The following FRMD4A variants were observed in gnomAD, a reference collection of about 807,000 sequenced individuals.
The protein encoded by FRMD4A is FERM domain-containing protein 4A.
In FRMD4A, 29 loss-of-function variants were observed where a neutral mutation model predicts 129.1. That is an observed-to-expected ratio of 0.22 (90% CI 0.17 to 0.31). The LOEUF (loss-of-function observed/expected upper bound fraction) is 0.31, where lower values mean the gene tolerates loss of function less well. Among genes scored for constraint, FRMD4A ranks in the 10% least tolerant of loss-of-function variants. The pLI, the probability that FRMD4A is intolerant of heterozygous loss-of-function variation, is 1.00. For synonymous variants in FRMD4A, 634 were observed against 571.6 expected (o/e 1.11, Z -1.56); for missense variants, 1,272 against 1,375.8 (o/e 0.92, Z 1.19).
chr10:13,982,021 C>G (rs1364223273), intron 2 of FRMD4A, among the ~76,000 whole-genome samples: 1 of 152,114 alleles, frequency 6.6e-6, no homozygotes, highest in African/African-American at 2.4e-5. Flanking sequence ...CTGATCCTCC[C>G]GTCTCTGGCC....
At chr10:13,968,541 C>A (rs1310432679) in intron 2 of FRMD4A, among the ~76,000 whole-genome samples, 1 of 152,228 alleles carries the variant, frequency 6.6e-6, no homozygotes, top group Non-Finnish European at 1.5e-5. Context: ...CAACCTCCAC[C>A]TCCTGGGTTC....
chr10:13,833,040 G>T (rs2093815276), intron 3 of FRMD4A, among the ~76,000 whole-genome samples: 1 of 152,198 alleles, frequency 6.6e-6, no homozygotes. Flanking sequence ...TCACACATAT[G>T]TCTCCCTGGA....
chr10:13,862,434 GA>G (rs2094307469), intron 2 of FRMD4A, among the ~76,000 whole-genome samples: 1 of 152,090 alleles, frequency 6.6e-6, no homozygotes, highest in South Asian at 2.1e-4. Flanking sequence ...ATTTTCATCT[GA>G]AAAAAATAAT....
chr10:13,751,823 C>A (rs2091639259), intron 8 of FRMD4A, among the ~76,000 whole-genome samples: 2 of 152,098 alleles, frequency 1.3e-5, no homozygotes, highest in South Asian at 4.2e-4. Flanking sequence ...CCAGCCTGGG[C>A]AACATAGCAA....
chr10:14,283,398 G>C (rs998166098), intron 2 of FRMD4A, among the ~76,000 whole-genome samples: 2 of 152,072 alleles, frequency 1.3e-5, no homozygotes, highest in African/African-American at 4.8e-5. Flanking sequence ...CTACATAACA[G>C]ACCTAATTAT....
At chr10:14,062,841 A>G (rs898719) in intron 2 of FRMD4A, among the ~76,000 whole-genome samples, 148,388 of 152,264 alleles carry the variant, frequency 0.97, 72,414 homozygotes, top group East Asian at 1. Context: ...CAGTGAGATC[A>G]TGCCATTGCA....
At chr10:14,320,552 C>A (rs374918342) in intron 2 of FRMD4A, among the ~76,000 whole-genome samples, 1 of 152,334 alleles carries the variant, frequency 6.6e-6, no homozygotes, top group South Asian at 2.1e-4. Context: ...CGTTCTAGAT[C>A]TCACACACCT....
chr10:14,318,611 G>GC (rs1846844522), intron 2 of FRMD4A, among the ~76,000 whole-genome samples: 1 of 19,078 alleles, frequency 5.2e-5, no homozygotes, highest in Non-Finnish European at 1.1e-4. Context: ...TTGCTAGTAT[G>GC]CAAAAAAAAA....
chr10:13,977,953 C>A (rs1296484227), intron 2 of FRMD4A, among the ~76,000 whole-genome samples: 3 of 152,216 alleles, frequency 2.0e-5, no homozygotes, highest in African/African-American at 7.2e-5. Context: ...CTGCTATAAA[C>A]ACTTGTGTAA....
chr10:13,798,124 G>A (rs1311772023), intron 4 of FRMD4A, among the ~76,000 whole-genome samples: 1 of 152,094 alleles, frequency 6.6e-6, no homozygotes, highest in African/African-American at 2.4e-5. Flanking sequence ...AAAAAATAAT[G>A]AAAGGGTTGG....
At chr10:14,025,763 G>A (rs183654578) in intron 2 of FRMD4A, among the ~76,000 whole-genome samples, 6 of 152,266 alleles carry the variant, frequency 3.9e-5, no homozygotes, top group East Asian at 1.9e-4. Context: ...TAGGGACCTC[G>A]TATAAGTGAG....
intron 6 of FRMD4A, among the ~76,000 whole-genome samples, chr10:13,767,778 CCA>C (rs2092333121): frequency 6.6e-6 from 1 of 152,164 alleles, no homozygotes. Flanking sequence ...CTTATGCAAT[CCA>C]CAGCTCTGCG....
At chr10:13,707,453 A>G in intron 12 of FRMD4A, 1 of 1,040,506 alleles carries the variant, frequency 9.6e-7, no homozygotes, top group African/African-American at 1.7e-5. Flanking sequence ...GAGAGGGAGG[A>G]GAGGTGGAGA....
intron 15 of FRMD4A, among the ~76,000 whole-genome samples, chr10:13,689,729 ATTT>A (rs34481268): frequency 1.7e-4 from 25 of 145,182 alleles, no homozygotes; most frequent in Non-Finnish European, 3.2e-4. Flanking sequence ...TATTAAGAAG[ATTT>A]TTTTTTTTTT....
chr10:14,004,556 C>G (rs1355264290), intron 2 of FRMD4A, among the ~76,000 whole-genome samples: 1 of 151,366 alleles, frequency 6.6e-6, no homozygotes, highest in African/African-American at 2.4e-5. Flanking sequence ...AAAAAACAAA[C>G]AGAAAAAAAA....
intron 2 of FRMD4A, among the ~76,000 whole-genome samples, chr10:14,183,991 T>G (rs1415472949): frequency 6.6e-6 from 1 of 152,178 alleles, no homozygotes; most frequent in Non-Finnish European, 1.5e-5. Flanking sequence ...AAGGCTTAAT[T>G]TGAAAACTTT....
intron 2 of FRMD4A, among the ~76,000 whole-genome samples, chr10:14,187,470 G>A (rs377664029): frequency 7.2e-5 from 11 of 152,148 alleles, no homozygotes; most frequent in Admixed American, 2.0e-4. Context: ...AGCCATTATC[G>A]TGGAATGACT....
Position 13,897,354 on chromosome 10 carries a change from C to T in FRMD4A, c.46-38442G>A, listed in dbSNP as rs554112638. Among the ~76,000 whole-genome samples, 34 of 152,252 alleles carry T rather than the reference C, an allele frequency of 2.2e-4. No homozygotes were observed. The South Asian group carries it at 6.8e-3, about 31-fold the overall frequency. ...TTGGAGAGCTGAATACCTGGGGTAACCCTTGCTTCTCTTACACAGACTGAA... is the reference window on the plus strand; with the variant it reads ...TTGGAGAGCTGAATACCTGGGGTAATCCTTGCTTCTCTTACACAGACTGAA... On this transcript the variant is annotated intron_variant, in intron 2 of 24. Coordinates refer to ENST00000357447, the MANE Select transcript of FRMD4A (RefSeq NM_018027.5).
intron 2 of FRMD4A, among the ~76,000 whole-genome samples, chr10:14,054,506 A>T (rs1834415781): frequency 6.6e-6 from 1 of 152,168 alleles, no homozygotes. Flanking sequence ...TCCAAAAAAA[A>T]ATCAAAATTT....
Sources: allele counts gnomAD v4.1 joint callset (sites outside exome capture counted in the v4.1 genomes callset), GRCh38; gene constraint gnomAD v4.1.1; transcripts MANE v1.5; gene names NCBI Gene and HGNC (gene_info 2026-07-23, HGNC 2026-07-21).